LRP1B: variants seen among roughly 807,000 people sequenced by gnomAD.
LRP1B encodes the protein low-density lipoprotein receptor-related protein 1B.
LRP1B carries 217 observed loss-of-function variants against 556.6 expected under a neutral mutation model. The observed-to-expected ratio is 0.39, with a 90% CI of 0.35 to 0.44. LRP1B has a LOEUF of 0.44. LRP1B is among the 20% of genes least tolerant of loss of function. The probability of loss-of-function intolerance (pLI) is 1.00; values close to 1 mark genes in which losing one functional copy is unlikely to be tolerated. For synonymous variants in LRP1B, 2,047 were observed against 1,865.8 expected (o/e 1.10, Z -2.50); for missense variants, 5,053 against 5,620.8 (o/e 0.90, Z 3.23).
chr2:140,677,228 ATCTGAG>A (rs1685702766), intron 41 of LRP1B, among the ~76,000 whole-genome samples: 1 of 152,230 alleles, frequency 6.6e-6, no homozygotes, highest in East Asian at 1.9e-4. Flanking sequence ...CCACAGAGTC[ATCTGAG>A]TCTGTTATCA....
chr2:141,639,074 G>A lies in LRP1B; in HGVS notation c.206-158541C>T, dbSNP rs561428946. Among the ~76,000 whole-genome samples, 203 of 123,820 alleles carry A rather than the reference G, an allele frequency of 1.6e-3. 3 individuals carry two copies. Among genetic ancestry groups the A allele is most frequent in the Non-Finnish European group, 2.8e-3 (160 of 57,396 alleles). The allele number at this position is 123,820 out of a possible 152,430, so 81.2% of individuals were successfully genotyped here. A position where few individuals can be genotyped will look rare whatever the true frequency, so the allele number is the denominator to read the frequency against. On this transcript the variant is annotated intron_variant, in intron 2 of 90. Transcript: ENST00000389484. The stretch of plus-strand genomic sequence containing the variant: ...ATGGGCCAATACAGTATCCATAAGT[G>A]GCACTGGTTGTAACATCTGTCTAGG...
At chr2:140,297,374 T>C (rs561022189) in intron 84 of LRP1B, among the ~76,000 whole-genome samples, 1 of 152,092 alleles carries the variant, frequency 6.6e-6, no homozygotes, top group Non-Finnish European at 1.5e-5. Flanking sequence ...GGGAACTACA[T>C]AGAAAGCCTT....
At chr2:141,344,979 T>C (rs188921840) in intron 3 of LRP1B, among the ~76,000 whole-genome samples, 46 of 152,146 alleles carry the variant, frequency 3.0e-4, no homozygotes, top group African/African-American at 1.1e-3. Flanking sequence ...ATAGCTGACA[T>C]TGAGATGAAG....
chr2:142,076,821 T>C (rs1401299225), intron 1 of LRP1B, among the ~76,000 whole-genome samples: 1 of 151,982 alleles, frequency 6.6e-6, no homozygotes, highest in Non-Finnish European at 1.5e-5. Flanking sequence ...AAGACAAAAA[T>C]AAAAATTGTC....
intron 1 of LRP1B, among the ~76,000 whole-genome samples, chr2:142,068,080 A>G (rs1254860413): frequency 1.3e-5 from 2 of 151,450 alleles, no homozygotes; most frequent in Non-Finnish European, 3.0e-5. Context: ...ACTCTTGACC[A>G]GTAGCTTCTC....
intron 1 of LRP1B, among the ~76,000 whole-genome samples, chr2:141,976,003 A>T (rs1558997998): frequency 6.6e-6 from 1 of 150,670 alleles, no homozygotes; most frequent in African/African-American, 2.5e-5. Flanking sequence ...AAAAATTCTA[A>T]CTACTAATAT....
chr2:140,579,151 G>A (rs1432024494), intron 43 of LRP1B, among the ~76,000 whole-genome samples: 2 of 152,082 alleles, frequency 1.3e-5, no homozygotes, highest in African/African-American at 2.4e-5. Flanking sequence ...ATGACACTTC[G>A]GGAGAACAAA....
At chr2:141,709,207 G>A (rs146548395) in intron 2 of LRP1B, among the ~76,000 whole-genome samples, 1 of 152,032 alleles carries the variant, frequency 6.6e-6, no homozygotes, top group African/African-American at 2.4e-5. Context: ...AAATTAGCCA[G>A]TTGTGGTGGC....
intron 27 of LRP1B, among the ~76,000 whole-genome samples, chr2:140,854,843 G>A (rs1006311631): frequency 9.9e-5 from 15 of 152,230 alleles, no homozygotes; most frequent in Admixed American, 9.2e-4. Flanking sequence ...AGACACTACT[G>A]CAAAATCCAG....
At chr2:140,934,726 A>C (rs1695152660) in intron 20 of LRP1B, among the ~76,000 whole-genome samples, 1 of 152,134 alleles carries the variant, frequency 6.6e-6, no homozygotes, top group Non-Finnish European at 1.5e-5. Flanking sequence ...CTGACCGCAA[A>C]GGTGCAAAGA....
intron 2 of LRP1B, among the ~76,000 whole-genome samples, chr2:141,569,827 T>C (rs1163594905): frequency 3.3e-5 from 5 of 151,284 alleles, no homozygotes; most frequent in African/African-American, 7.3e-5. Context: ...TTGAAGGACA[T>C]GTGAGATGAA....
At chr2:140,347,911 G>A (rs1573826445) in intron 77 of LRP1B, among the ~76,000 whole-genome samples, 1 of 152,130 alleles carries the variant, frequency 6.6e-6, no homozygotes, top group Admixed American at 6.6e-5. Flanking sequence ...GGGATGACTA[G>A]CTTGTTACTG....
chr2:140,488,843 G>C (rs1392704551), intron 57 of LRP1B, among the ~76,000 whole-genome samples: 2 of 151,920 alleles, frequency 1.3e-5, no homozygotes, highest in African/African-American at 4.8e-5. Context: ...TAGTCTTATG[G>C]GTAGAGACAA....
intron 2 of LRP1B, among the ~76,000 whole-genome samples, chr2:141,493,177 T>C (rs1214336860): frequency 6.6e-6 from 1 of 152,176 alleles, no homozygotes; most frequent in African/African-American, 2.4e-5. Context: ...CACAGAGTTG[T>C]AACGCTATTA....
At chr2:140,511,388 G>A (rs71415498) in intron 51 of LRP1B, among the ~76,000 whole-genome samples, 1 of 127,892 alleles carries the variant, frequency 7.8e-6, no homozygotes, top group Non-Finnish European at 1.6e-5. Context: ...TGCAAGCTCC[G>A]CCTCCCGGGT....
intron 1 of LRP1B, among the ~76,000 whole-genome samples, chr2:141,976,887 C>T (rs1170059032): frequency 6.6e-6 from 1 of 152,094 alleles, no homozygotes; most frequent in Middle Eastern, 3.4e-3. Context: ...AACTGTTATA[C>T]TTTTAAATTA....
intron 20 of LRP1B, among the ~76,000 whole-genome samples, chr2:140,942,632 T>A (rs1215929601): frequency 6.6e-6 from 1 of 152,134 alleles, no homozygotes; most frequent in East Asian, 1.9e-4. Flanking sequence ...CGTGAGCCTA[T>A]TTTTAGTATT....
chr2:140,721,599 G>C (rs1159254374), intron 35 of LRP1B, among the ~76,000 whole-genome samples: 1 of 131,666 alleles, frequency 7.6e-6, no homozygotes. Flanking sequence ...CCAGCCTGGA[G>C]TGCAGTGGTG....
At chr2:141,393,518 A>G (rs1185328470) in intron 3 of LRP1B, among the ~76,000 whole-genome samples, 1 of 152,120 alleles carries the variant, frequency 6.6e-6, no homozygotes, top group Non-Finnish European at 1.5e-5. Context: ...ATGCATCTCT[A>G]TTTCTCACCT....
Sources: gnomAD v4.1 joint callset for allele counts (sites outside exome capture counted in the v4.1 genomes callset) on GRCh38, gnomAD v4.1.1 for gene constraint, MANE v1.5 for transcripts, NCBI Gene and HGNC (gene_info 2026-07-23, HGNC 2026-07-21) for gene names.